TLE1: variants seen among roughly 807,000 people sequenced by gnomAD.
TLE1 encodes transducin-like enhancer protein 1.
TLE1 carries 21 observed loss-of-function variants against 89.8 expected under a neutral mutation model. The ratio of observed to expected loss-of-function variants is 0.23; its 90% CI spans 0.17 to 0.34. The LOEUF (loss-of-function observed/expected upper bound fraction) is 0.34, where lower values mean the gene tolerates loss of function less well. TLE1 is among the 10% of genes least tolerant of loss of function. The pLI is 1.00. For missense variants in TLE1, 795 were observed against 1,031.2 expected, an observed-to-expected ratio of 0.77 and a Z score of 3.14; for synonymous variants, 447 against 407.6, an observed-to-expected ratio of 1.10 and a Z score of -1.16.
chr9:81,608,176 A>C (rs1276685544), intron 14 of TLE1, among the ~76,000 whole-genome samples: 1 of 152,070 alleles, frequency 6.6e-6, no homozygotes, highest in African/African-American at 2.4e-5. Flanking sequence ...TGGGAGGCCA[A>C]GGCAGGAGGA....
chr9:81,659,948 T>C (rs1303612672), intron 4 of TLE1, among the ~76,000 whole-genome samples: 1 of 152,124 alleles, frequency 6.6e-6, no homozygotes. Flanking sequence ...GAAGCTGCCT[T>C]TCCCCCATAA....
At chr9:81,670,675 G>C (rs1832097478) in intron 4 of TLE1, among the ~76,000 whole-genome samples, 1 of 147,236 alleles carries the variant, frequency 6.8e-6, no homozygotes, top group Admixed American at 6.9e-5. Context: ...TATTAACTTT[G>C]AGCAATTTCA....
At chr9:81,679,129 C>T (rs1311959178) in intron 4 of TLE1, among the ~76,000 whole-genome samples, 1 of 152,222 alleles carries the variant, frequency 6.6e-6, no homozygotes, top group East Asian at 1.9e-4. Context: ...GTCTGGGTAA[C>T]AGATTAAGAC....
chr9:81,684,673 T>C (rs543152029), intron 4 of TLE1, among the ~76,000 whole-genome samples: 3 of 152,234 alleles, frequency 2.0e-5, no homozygotes, highest in African/African-American at 4.8e-5. Context: ...ATAGCACATA[T>C]ACATCAAGTA....
At chr9:81,687,602 G>C (rs887681409) in intron 1 of TLE1, among the ~76,000 whole-genome samples, 168 bp from the exon 2 acceptor site, 2 of 152,156 alleles carry the variant, frequency 1.3e-5, no homozygotes, top group African/African-American at 4.8e-5. Flanking sequence ...GGGGAAAGCG[G>C]ACCCTCCCCG....
chr9:81,654,562 C>T (rs994328807), intron 4 of TLE1, among the ~76,000 whole-genome samples: 1 of 152,126 alleles, frequency 6.6e-6, no homozygotes. Flanking sequence ...AGGATGGTCT[C>T]GATCTCCTGA....
chr9:81,662,227 GTT>G (rs756973589), intron 4 of TLE1, among the ~76,000 whole-genome samples: 1 of 151,502 alleles, frequency 6.6e-6, no homozygotes, highest in Non-Finnish European at 1.5e-5. Flanking sequence ...TAAGAGAACA[GTT>G]AAATACGCTA....
Position 81,688,520 on chromosome 9 carries a change from G to A in TLE1, c.-280C>T, listed in dbSNP as rs1484886401. Reference sequence around the variant, plus strand: ...CTGCGCGGAGACGTCGGGCGCTCGGGGACTGTGCGCGGGGGCAGCGCTCCA... The same window carrying A: ...CTGCGCGGAGACGTCGGGCGCTCGGAGACTGTGCGCGGGGGCAGCGCTCCA... On this transcript the variant is annotated 5_prime_UTR_variant, in exon 1 of 20. Transcript: ENST00000376499. The A allele has an allele frequency of 1.1e-5, 4 of 370,514 alleles. No individual in the cohort carries two copies. In the East Asian group the frequency reaches 1.3e-4, roughly 12 times the overall value. The allele number at this position is 370,514 out of a possible 1,614,324, so 23.0% of individuals were successfully genotyped here.
At chr9:81,625,911 TA>T (rs35467275) in intron 8 of TLE1, among the ~76,000 whole-genome samples, 28,648 of 87,530 alleles carry the variant, frequency 0.33, 4,086 homozygotes, top group Middle Eastern at 0.44. Flanking sequence ...CAGAAACTAC[TA>T]AAAAAAAAAA....
intron 14 of TLE1, among the ~76,000 whole-genome samples, 182 bp downstream of exon 14, chr9:81,610,038 A>G (rs892779217): frequency 2.0e-5 from 3 of 152,222 alleles, no homozygotes; most frequent in African/African-American, 7.2e-5. Flanking sequence ...CCCAGGGAGA[A>G]GACAGAGGCA....
intron 6 of TLE1, among the ~76,000 whole-genome samples, chr9:81,634,571 C>G (rs185036860): frequency 3.9e-5 from 6 of 152,326 alleles, no homozygotes; most frequent in African/African-American, 1.2e-4. Flanking sequence ...CACATCTACA[C>G]TGTCACTTTC....
At chr9:81,616,331 A>C (rs967484646) in intron 10 of TLE1, among the ~76,000 whole-genome samples, 197 bp from the exon 11 acceptor site, 40 of 151,988 alleles carry the variant, frequency 2.6e-4, no homozygotes, top group Admixed American at 1.8e-3. Context: ...TAAAAAAAAA[A>C]CCCCGCAGTC....
At chr9:81,595,981 G>A (rs374554612) in intron 14 of TLE1, among the ~76,000 whole-genome samples, 26 of 152,072 alleles carry the variant, frequency 1.7e-4, no homozygotes, top group African/African-American at 5.8e-4. Context: ...AAATCAAGCT[G>A]GGCGCCTCCA....
At chr9:81,648,134 T>G (rs1209893962) in intron 6 of TLE1, among the ~76,000 whole-genome samples, 1 of 151,782 alleles carries the variant, frequency 6.6e-6, no homozygotes, top group African/African-American at 2.4e-5. Context: ...TAGCTGGGTA[T>G]GGCGGTGCAT....
At chr9:81,680,076 A>C (rs945387392) in intron 4 of TLE1, among the ~76,000 whole-genome samples, 3 of 152,344 alleles carry the variant, frequency 2.0e-5, no homozygotes, top group Middle Eastern at 3.4e-3. Flanking sequence ...CTCAATTTGC[A>C]CGCACGAGGT....
intron 8 of TLE1, among the ~76,000 whole-genome samples, chr9:81,626,691 G>GT (rs1207592656): frequency 2.0e-5 from 3 of 152,214 alleles, no homozygotes; most frequent in South Asian, 4.1e-4. Context: ...TAGAATCCAG[G>GT]TGGGTGACTC....
At chr9:81,680,676 G>T (rs1312499314) in intron 4 of TLE1, among the ~76,000 whole-genome samples, 1 of 152,080 alleles carries the variant, frequency 6.6e-6, no homozygotes, top group Non-Finnish European at 1.5e-5. Context: ...TTGCACCTCG[G>T]AATCTAGGCT....
At chr9:81,670,943 T>C (rs1406792214) in intron 4 of TLE1, among the ~76,000 whole-genome samples, 1 of 151,502 alleles carries the variant, frequency 6.6e-6, no homozygotes, top group African/African-American at 2.4e-5. Flanking sequence ...CCGAGGCAGA[T>C]GGATCACCTG....
intron 14 of TLE1, among the ~76,000 whole-genome samples, chr9:81,599,243 GC>G (rs1346741310): frequency 4.6e-5 from 7 of 152,102 alleles, no homozygotes; most frequent in Non-Finnish European, 7.4e-5. Context: ...TAAGTAACTC[GC>G]CCATAACCAC....
Sources: allele counts gnomAD v4.1 joint callset (sites outside exome capture counted in the v4.1 genomes callset), GRCh38; gene constraint gnomAD v4.1.1; transcripts MANE v1.5; gene names NCBI Gene and HGNC (gene_info 2026-07-23, HGNC 2026-07-21).